The following DIS3L variants were observed in gnomAD, a reference collection of about 807,000 sequenced individuals.
DIS3L encodes the protein DIS3-like exonuclease 1.
A neutral mutation model predicts 120.3 loss-of-function variants in DIS3L; 100 were observed. The observed-to-expected ratio is 0.83, with a 90% confidence interval of 0.71 to 0.98. DIS3L has a LOEUF of 0.98. DIS3L is among the 50% of genes least tolerant of loss of function. The pLI, the probability that DIS3L is intolerant of heterozygous loss-of-function variation, is 0.00. For synonymous variants in DIS3L, 426 were observed against 470.6 expected (o/e 0.91, Z 1.23); for missense variants, 1,196 against 1,314.2 (o/e 0.91, Z 1.39).
rs1443763667 is a variant in DIS3L, at chr15:66,293,609, C to A, written c.13C>A (p.Arg5=). The A allele has an allele frequency of 2.1e-5, 31 of 1,442,854 alleles. No individual in the cohort carries two copies. Among genetic ancestry groups the A allele is most frequent in the Non-Finnish European group, 2.7e-5 (30 of 1,099,848 alleles). 89.4% of individuals were successfully genotyped at this position (1,442,854 alleles called of 1,614,324 possible). A position where few individuals can be genotyped will look rare whatever the true frequency, so the allele number is the denominator to read the frequency against. The change falls in exon 1 of 17, where the codon CGG becomes AGG. Residue 5 remains arginine, a synonymous_variant. Coordinates refer to ENST00000319212, the MANE Select transcript of DIS3L (RefSeq NM_001143688.3). The part of the protein sequence containing the change: MLQK[R]EKVLLLRTFQ... ...GAGACACGCCGCCATGCTGCAGAAG[C>A]GGGAGAAGGTGCTGCTGCTGAGGAC...
chr15:66,294,203 C>T, intron 1 of DIS3L: 1 of 985,612 alleles, frequency 1.0e-6, no homozygotes, highest in South Asian at 4.7e-5. Flanking sequence ...ACTGTTGCCC[C>T]AGACTTTTCC....
chr15:66,301,447 A>G (rs2092647272), intron 2 of DIS3L, among the ~76,000 whole-genome samples: 1 of 151,442 alleles, frequency 6.6e-6, no homozygotes, highest in African/African-American at 2.4e-5. Flanking sequence ...TGCCTCGCTA[A>G]TTTTTGTATT....
chr15:66,327,745 A>AAAATAAAT, intron 12 of DIS3L, among the ~76,000 whole-genome samples: 1 of 152,106 alleles, frequency 6.6e-6, no homozygotes, highest in Middle Eastern at 3.4e-3. Context: ...CTCTGTCTCA[A>AAAATAAAT]AAATAAATAA....
intron 11 of DIS3L, among the ~76,000 whole-genome samples, chr15:66,324,078 T>TA (rs1232976679): frequency 6.6e-6 from 1 of 152,214 alleles, no homozygotes; most frequent in Admixed American, 6.5e-5. Flanking sequence ...TTCCCTCACT[T>TA]ACCAGTTCCG....
intron 2 of DIS3L, among the ~76,000 whole-genome samples, chr15:66,306,164 A>C (rs2092700462): frequency 6.6e-6 from 1 of 152,120 alleles, no homozygotes; most frequent in Non-Finnish European, 1.5e-5. Flanking sequence ...TGGTAGAGAC[A>C]GGGTCTCCTT....
intron 12 of DIS3L, 24 bp from the exon 13 acceptor site, chr15:66,328,946 A>G: frequency 6.2e-7 from 1 of 1,607,256 alleles, no homozygotes; most frequent in Non-Finnish European, 8.5e-7. Flanking sequence ...GGGACTAGCT[A>G]ACGGTTTTTC....
chr15:66,317,874 A>G (rs905962883), intron 7 of DIS3L, among the ~76,000 whole-genome samples: 6 of 152,006 alleles, frequency 3.9e-5, no homozygotes, highest in Non-Finnish European at 8.8e-5. Flanking sequence ...AACAAAAACA[A>G]AAAGTGTTTT....
chr15:66,326,931 GT>G (rs71447896), intron 12 of DIS3L, among the ~76,000 whole-genome samples: 8,712 of 140,488 alleles, frequency 0.062, 352 homozygotes, highest in Middle Eastern at 0.12. Flanking sequence ...TGTTCGGTTG[GT>G]TTTTTTTTTT....
At position 66,311,841 on chromosome 15, in the gene DIS3L, C is replaced by G; in HGVS notation, c.676C>G (p.Pro226Ala). 1.9e-6 allele frequency: 3 copies of G among 1,614,038 alleles called. No individual in the cohort carries two copies. Among genetic ancestry groups the G allele is most frequent in the Non-Finnish European group, 8.5e-7 (1 of 1,179,980 alleles). ...ESQESHGKEYPEHLPLEVLEA... is the reference protein window; with the variant it reads ...ESQESHGKEYAEHLPLEVLEA... ...TCAGGAGAGCCATGGGAAGGAGTAC[C>G]CAGAACATCTTCCCCTGGAAGTGTT... is the stretch of plus-strand genomic sequence containing the variant. Residue 226 changes from proline (P) to alanine (A), a missense_variant, in exon 5 of 17, where the codon CCA (proline) becomes GCA (alanine). Coordinates refer to ENST00000319212, the MANE Select transcript of DIS3L (RefSeq NM_001143688.3).
At chr15:66,295,248 G>A in intron 2 of DIS3L, 107 bp downstream of exon 2, 1 of 1,133,746 alleles carries the variant, frequency 8.8e-7, no homozygotes, top group Non-Finnish European at 1.2e-6. Context: ...TGTCAGAAGG[G>A]ACTTTTAAAA....
chr15:66,295,990 A>C (rs1425974009), intron 2 of DIS3L, among the ~76,000 whole-genome samples: 1 of 152,194 alleles, frequency 6.6e-6, no homozygotes, highest in African/African-American at 2.4e-5. Flanking sequence ...TCCTCTTATT[A>C]TATGCTCAGT....
chr15:66,306,962 T>A lies in DIS3L; in HGVS notation c.422+10T>A. 2 of 1,613,424 alleles carry A rather than the reference T, an allele frequency of 1.2e-6. No homozygotes were observed. Among genetic ancestry groups the A allele is most frequent in the Non-Finnish European group, 1.7e-6 (2 of 1,179,438 alleles). ...AGAAGTGGCAGACCAGGTATGGCCCTGACTTGCTGCTGTTTTCACACTGTC... is the reference window on the plus strand; with the variant it reads ...AGAAGTGGCAGACCAGGTATGGCCCAGACTTGCTGCTGTTTTCACACTGTC... On this transcript the variant is annotated intron_variant, in intron 3 of 16. Transcript: ENST00000319212.
At chr15:66,332,045 G>A in intron 15 of DIS3L, 25 bp downstream of exon 15, 1 of 1,583,646 alleles carries the variant, frequency 6.3e-7, no homozygotes, top group East Asian at 2.3e-5. Context: ...ATGCAATGGT[G>A]CATAAGAAAT....
In DIS3L at chr15:66,295,048, A is replaced by C; in HGVS notation, c.200A>C (p.Gln67Pro). ...HYVIPDWKVVQDYLEILEFPE... is the reference protein window; with the variant it reads ...HYVIPDWKVVPDYLEILEFPE... ...GTGATCCCAGACTGGAAAGTTGTTCAAGATTATCTTGAGATCCTTGAGTTT... is the reference window on the plus strand; with the variant it reads ...GTGATCCCAGACTGGAAAGTTGTTCCAGATTATCTTGAGATCCTTGAGTTT... Residue 67 changes from glutamine to proline, a missense_variant, in exon 2 of 17, where the codon CAA becomes CCA. Physicochemically the swap from Gln to Pro is moderately conservative, Grantham distance 76. Transcript: ENST00000319212. 1 of 1,614,124 alleles carries C rather than the reference A, an allele frequency of 6.2e-7. No individual in the cohort carries two copies. Among genetic ancestry groups the C allele is most frequent in the South Asian group, 1.1e-5 (1 of 91,076 alleles).
At chr15:66,321,305 A>G (rs898448375) in intron 9 of DIS3L, among the ~76,000 whole-genome samples, 2 of 152,220 alleles carry the variant, frequency 1.3e-5, no homozygotes, top group African/African-American at 2.4e-5. Flanking sequence ...CATTGTGTGC[A>G]CACACTAATT....
In DIS3L at chr15:66,304,109, AAAAC is replaced by A. The variant is rs1380849984; in HGVS notation, c.294-2712_294-2709del. Among the ~76,000 whole-genome samples, 122 of 142,226 alleles carry A rather than the reference AAAAC, an allele frequency of 8.6e-4. 1 individual carries two copies. Among genetic ancestry groups the A allele is most frequent in the African/African-American group, 2.4e-3 (91 of 38,548 alleles). 93.3% of individuals were successfully genotyped at this position (142,226 alleles called of 152,430 possible). A position where few individuals can be genotyped will look rare whatever the true frequency, so the allele number is the denominator to read the frequency against. On this transcript the variant is annotated intron_variant, in intron 2 of 16. Transcript: ENST00000319212. ...TGTTTCAAAAAAAAAAAAAAAAAAA[AAAAC>A]AATATGGCATAGACTCTTCTAAGAG...
chr15:66,326,518 T>C, intron 12 of DIS3L, 154 bp downstream of exon 12: 1 of 843,564 alleles, frequency 1.2e-6, no homozygotes, highest in Non-Finnish European at 1.8e-6. Flanking sequence ...TTTTTCCCTC[T>C]TCATTGTTAT....
At chr15:66,293,520 G>T, upstream of DIS3L, 2 of 1,289,140 alleles carry the variant, frequency 1.6e-6, no homozygotes, top group Non-Finnish European at 2.0e-6. Context: ...GGCGCCTAGG[G>T]CCGAGGGGCG....
At chr15:66,299,116 C>G (rs2092620181) in intron 2 of DIS3L, among the ~76,000 whole-genome samples, 1 of 152,194 alleles carries the variant, frequency 6.6e-6, no homozygotes, top group South Asian at 2.1e-4. Flanking sequence ...GAGGAAAATG[C>G]CTGGGGCCCA....
Sources: allele counts gnomAD v4.1 joint callset (sites outside exome capture counted in the v4.1 genomes callset), GRCh38; gene constraint gnomAD v4.1.1; transcripts MANE v1.5; gene names NCBI Gene and HGNC (gene_info 2026-07-23, HGNC 2026-07-21).